GRIA3: variants seen among roughly 807,000 people sequenced by gnomAD.
GRIA3 encodes the protein glutamate ionotropic receptor AMPA type subunit 3.
A neutral mutation model predicts 63.0 loss-of-function variants in GRIA3; 3 were observed. The observed-to-expected ratio is 0.05, with a 90% CI of 0.02 to 0.12. The LOEUF (loss-of-function observed/expected upper bound fraction) is 0.12, where lower values mean the gene tolerates loss of function less well. GRIA3 is among the 10% of genes least tolerant of loss of function. GRIA3 has a pLI of 1.00. For synonymous variants in GRIA3, 274 were observed against 257.9 expected, an observed-to-expected ratio of 1.06 and a Z score of -0.60; for missense variants, 347 against 700.9, an observed-to-expected ratio of 0.50 and a Z score of 5.70.
intron 3 of GRIA3, among the ~76,000 whole-genome samples, chrX:123,285,547 T>G (rs2044612417): frequency 2.2e-5 from 1 of 45,436 alleles, no homozygotes; most frequent in East Asian, 5.6e-4. Flanking sequence ...AATAAAGGGA[T>G]GGAAAAATAC....
chrX:123,467,053 T>C (rs1186810085), intron 13 of GRIA3, among the ~76,000 whole-genome samples: 1 of 112,937 alleles, frequency 8.9e-6, no homozygotes, highest in Non-Finnish European at 1.9e-5. Context: ...TCGTAAAACC[T>C]TGATTAACCA....
intron 12 of GRIA3, among the ~76,000 whole-genome samples, chrX:123,464,114 A>G (rs1171592446): frequency 1.8e-5 from 2 of 111,259 alleles, no homozygotes; most frequent in African/African-American, 6.5e-5. Flanking sequence ...ACCGTTGTAC[A>G]TTAAAAAAAA....
In GRIA3 at chrX:123,185,944, C is replaced by T. The variant is rs770034691; in HGVS notation, c.222C>T (p.His74=). Residue 74 remains histidine, a synonymous_variant, in exon 2 of 16, where the codon CAC becomes CAT. Coordinates refer to ENST00000620443, the MANE Select transcript of GRIA3 (RefSeq NM_007325.5). ...AGAAGCCCTTCCATTTGAATTACCA[C>T]GTAGATCACTTGGATTCCTCCAATA... The part of the protein sequence containing the change: ...TTEKPFHLNY[H]VDHLDSSNSF... 17 of 1,203,586 alleles carry T rather than the reference C, an allele frequency of 1.4e-5. No individual in the cohort carries two copies. The highest frequency in any genetic ancestry group is 2.2e-5 in the Admixed American group (1 of 45,754).
At chrX:123,379,108 A>G (rs1444473113) in intron 5 of GRIA3, among the ~76,000 whole-genome samples, 1 of 111,579 alleles carries the variant, frequency 9.0e-6, no homozygotes, top group African/African-American at 3.3e-5. Flanking sequence ...TAAATGTCTT[A>G]AAATAATCAT....
chrX:123,225,334 G>A lies in GRIA3; in HGVS notation c.269-27969G>A, dbSNP rs191984412. Among the ~76,000 whole-genome samples, 56 of 112,115 alleles carry A rather than the reference G, an allele frequency of 5.0e-4. No individual in the cohort carries two copies. The East Asian group carries it at 9.5e-3, about 19-fold the overall frequency. On this transcript the variant is annotated intron_variant, in intron 2 of 15. Coordinates refer to ENST00000620443, the MANE Select transcript of GRIA3 (RefSeq NM_007325.5). Reference sequence around the variant, plus strand: ...CTGTGCCTGGCATATGGTCTTGCACGGAGCGAGTACCCAATAAATGATTAC... The same window carrying A: ...CTGTGCCTGGCATATGGTCTTGCACAGAGCGAGTACCCAATAAATGATTAC...
chrX:123,380,349 G>A (rs1161636571), intron 5 of GRIA3, among the ~76,000 whole-genome samples: 1 of 112,115 alleles, frequency 8.9e-6, no homozygotes, highest in Non-Finnish European at 1.9e-5. Context: ...ACTGGTGTGA[G>A]ATGGTATCTC....
intron 7 of GRIA3, among the ~76,000 whole-genome samples, chrX:123,400,129 A>G (rs1335684239): frequency 2.7e-5 from 3 of 111,404 alleles, no homozygotes; most frequent in Non-Finnish European, 5.7e-5. Flanking sequence ...AGCATCTCCA[A>G]TTGACTCCCT....
At chrX:123,268,227 G>A (rs189556928) in intron 3 of GRIA3, among the ~76,000 whole-genome samples, 17 of 111,283 alleles carry the variant, frequency 1.5e-4, no homozygotes, top group Admixed American at 1.2e-3. Flanking sequence ...GTTCCAACAC[G>A]CATACTACAG....
At chrX:123,376,339 A>T (rs2045284571) in intron 5 of GRIA3, among the ~76,000 whole-genome samples, 1 of 112,291 alleles carries the variant, frequency 8.9e-6, no homozygotes, top group Non-Finnish European at 1.9e-5. Flanking sequence ...CAGAAAAAAA[A>T]TTGGGCTTTC....
At chrX:123,258,680 T>C (rs2044433110) in intron 3 of GRIA3, among the ~76,000 whole-genome samples, 1 of 111,386 alleles carries the variant, frequency 9.0e-6, no homozygotes, top group Admixed American at 9.5e-5. Context: ...CAGCTGTGGC[T>C]CTCAGCTTAG....
At chrX:123,199,994 C>G (rs1927683663) in intron 2 of GRIA3, among the ~76,000 whole-genome samples, 1 of 111,711 alleles carries the variant, frequency 9.0e-6, no homozygotes, top group Admixed American at 9.5e-5. Context: ...GGTGATGCAG[C>G]TCCCTAGTAG....
At chrX:123,404,355 T>C (rs2045459907) in intron 9 of GRIA3, among the ~76,000 whole-genome samples, 1 of 110,600 alleles carries the variant, frequency 9.0e-6, no homozygotes, top group African/African-American at 3.3e-5. Flanking sequence ...TCCTACATAA[T>C]AAATCTTGAG....
At chrX:123,440,546 A>G (rs763461017) in intron 12 of GRIA3, among the ~76,000 whole-genome samples, 1 of 112,642 alleles carries the variant, frequency 8.9e-6, no homozygotes, top group Non-Finnish European at 1.9e-5. Flanking sequence ...TCTAATTATC[A>G]GTGATGTTGA....
chrX:123,409,628 C>T (rs1051099545), intron 10 of GRIA3, among the ~76,000 whole-genome samples: 3 of 111,945 alleles, frequency 2.7e-5, no homozygotes, highest in African/African-American at 9.8e-5. Context: ...GGCTTACAGA[C>T]CACAAGTTTT....
chrX:123,325,298 T>G (rs1351263001), intron 3 of GRIA3, among the ~76,000 whole-genome samples: 2 of 111,691 alleles, frequency 1.8e-5, no homozygotes, highest in Non-Finnish European at 1.9e-5. Flanking sequence ...TACCCAAAAC[T>G]CAAGCATCAG....
Position 123,483,029 on chromosome X carries a change from G to A in GRIA3, c.2670G>A (p.Glu890=), listed in dbSNP as rs1319026416. 2 of 1,202,313 alleles carry A rather than the reference G, an allele frequency of 1.7e-6. No homozygotes were observed. Among genetic ancestry groups the A allele is most frequent in the South Asian group, 3.5e-5 (2 of 56,737 alleles). The change falls in exon 15 of 16, where the codon GAG becomes GAA. Residue 890 remains glutamate, a synonymous_variant. Transcript: ENST00000620443. ...YREGYNVYGT[E]SVKI ...AAGGCTACAACGTGTATGGAACAGAGAGTGTTAAGATCTAGGGGTACGGTT... is the reference window on the plus strand; with the variant it reads ...AAGGCTACAACGTGTATGGAACAGAAAGTGTTAAGATCTAGGGGTACGGTT...
Position 123,306,433 on chromosome X carries a change from A to G in GRIA3, c.509-19593A>G. ...CAAGTACTGTGCTAATAACTTCCAC[A>G]TACATTCTAAAGCATGTTCTACATT... On this transcript the variant is annotated intron_variant, in intron 3 of 15. Coordinates refer to ENST00000620443, the MANE Select transcript of GRIA3 (RefSeq NM_007325.5). Among the ~76,000 whole-genome samples, 2 of 112,126 alleles carry G rather than the reference A, an allele frequency of 1.8e-5. 1 individual carries two copies. The highest frequency in any genetic ancestry group is 9.2e-3 in the Middle Eastern group (2 of 218).
intron 12 of GRIA3, among the ~76,000 whole-genome samples, chrX:123,458,838 T>C (rs1443215300): frequency 8.9e-6 from 1 of 111,765 alleles, no homozygotes; most frequent in Non-Finnish European, 1.9e-5. Context: ...CAAATGATAG[T>C]AATTTTTGTT....
Position 123,285,055 on chromosome X carries a change from G to A in GRIA3, c.508+31513G>A, listed in dbSNP as rs768276477. On this transcript the variant is annotated intron_variant, in intron 3 of 15. Transcript: ENST00000620443. ...CCATCAGACTAACAGTGGATTTCTC[G>A]GCAGAAACCCTACAAGCCAGAAGAG... Among the ~76,000 whole-genome samples, 15 of 111,346 alleles carry A rather than the reference G, an allele frequency of 1.3e-4. No individual in the cohort carries two copies. In the South Asian group the frequency reaches 2.3e-3, roughly 17 times the overall value.
Sources: gnomAD v4.1 joint callset for allele counts (sites outside exome capture counted in the v4.1 genomes callset) on GRCh38, gnomAD v4.1.1 for gene constraint, MANE v1.5 for transcripts, NCBI Gene and HGNC (gene_info 2026-07-23, HGNC 2026-07-21) for gene names.